Variants in MBD5 observed in about 807,000 individuals in gnomAD.
MBD5 encodes methyl-CpG binding domain protein 5, also known as methyl-CpG-binding domain protein 5.
MBD5 carries 13 observed loss-of-function variants against 117.3 expected under a neutral mutation model. That is an observed-to-expected ratio of 0.11 (90% CI 0.07 to 0.18). The LOEUF is 0.18. Among genes scored for constraint, MBD5 ranks in the 10% least tolerant of loss-of-function variants. The pLI is 1.00. For synonymous variants in MBD5, 727 were observed against 766.4 expected, an observed-to-expected ratio of 0.95 and a Z score of 0.85; for missense variants, 1,879 against 2,093.8, an observed-to-expected ratio of 0.90 and a Z score of 2.00.
intron 1 of MBD5, among the ~76,000 whole-genome samples, chr2:148,135,260 T>C (rs1697145121): frequency 6.6e-6 from 1 of 152,226 alleles, no homozygotes; most frequent in Non-Finnish European, 1.5e-5. Flanking sequence ...TGAGCCCTTC[T>C]ATTCACAAAC....
At chr2:148,479,595 T>A (rs1318072749) in intron 8 of MBD5, among the ~76,000 whole-genome samples, 1 of 152,182 alleles carries the variant, frequency 6.6e-6, no homozygotes, top group Admixed American at 6.5e-5. Flanking sequence ...AGGCAGCAGG[T>A]TCAACCATGG....
intron 3 of MBD5, among the ~76,000 whole-genome samples, chr2:148,319,734 A>T (rs1702239591): frequency 6.6e-6 from 1 of 152,148 alleles, no homozygotes; most frequent in Non-Finnish European, 1.5e-5. Flanking sequence ...TCCAATTCAG[A>T]TACCTTTTAT....
At chr2:148,152,234 A>T (rs1367338377) in intron 1 of MBD5, among the ~76,000 whole-genome samples, 3 of 152,126 alleles carry the variant, frequency 2.0e-5, no homozygotes, top group African/African-American at 7.2e-5. Flanking sequence ...TTCAGCTTCC[A>T]TGTAGTTGAG....
intron 4 of MBD5, among the ~76,000 whole-genome samples, chr2:148,417,441 T>C (rs565973636): frequency 6.6e-6 from 1 of 152,136 alleles, no homozygotes; most frequent in East Asian, 1.9e-4. Flanking sequence ...GCCCAGCTGG[T>C]ATAATGATTT....
At chr2:148,394,626 A>C (rs1019245623) in intron 4 of MBD5, among the ~76,000 whole-genome samples, 6 of 150,900 alleles carry the variant, frequency 4.0e-5, no homozygotes, top group Non-Finnish European at 8.9e-5. Context: ...AGTCTCAACA[A>C]AAGTATGCTT....
chr2:148,342,227 T>C lies in MBD5; in HGVS notation c.-666T>C, dbSNP rs549079591. On this transcript the variant is annotated 5_prime_UTR_variant, in exon 4 of 14. Transcript: ENST00000642680. Reference sequence around the variant, plus strand: ...TTTCTGTTCCAGAGAGAAGAGGTACTCCCTTATAGGGACTCGTAAAGACAT... The same window carrying C: ...TTTCTGTTCCAGAGAGAAGAGGTACCCCCTTATAGGGACTCGTAAAGACAT... 3.9e-5 allele frequency: 6 copies of C among 152,156 alleles called. No homozygotes were observed. In the East Asian group the frequency reaches 1.2e-3, roughly 29 times the overall value. 9.4% of individuals were successfully genotyped at this position (152,156 alleles called of 1,614,324 possible).
intron 4 of MBD5, among the ~76,000 whole-genome samples, chr2:148,396,758 G>T (rs1574378413): frequency 6.6e-6 from 1 of 152,112 alleles, no homozygotes; most frequent in East Asian, 1.9e-4. Flanking sequence ...ATTCTTACAG[G>T]GTTGCCACAG....
intron 4 of MBD5, among the ~76,000 whole-genome samples, chr2:148,397,235 T>C (rs1485969562): frequency 1.3e-5 from 2 of 152,044 alleles, no homozygotes; most frequent in African/African-American, 4.8e-5. Context: ...AAACTGATCA[T>C]ATGGTCAACG....
chr2:148,245,393 T>G (rs1388635741), intron 3 of MBD5, among the ~76,000 whole-genome samples: 1 of 152,072 alleles, frequency 6.6e-6, no homozygotes, highest in African/African-American at 2.4e-5. Context: ...TCCTGGCTAA[T>G]GTTTTGTATT....
chr2:148,501,961 C>T (rs1425023751), intron 11 of MBD5, among the ~76,000 whole-genome samples: 1 of 152,172 alleles, frequency 6.6e-6, no homozygotes, highest in Non-Finnish European at 1.5e-5. Context: ...GACTGAGGCT[C>T]AGAAAATGTG....
intron 8 of MBD5, among the ~76,000 whole-genome samples, chr2:148,479,280 T>C (rs1681068385): frequency 6.6e-6 from 1 of 152,188 alleles, no homozygotes; most frequent in Non-Finnish European, 1.5e-5. Flanking sequence ...TCCTTTCCAA[T>C]GTCCCTTATC....
At chr2:148,118,548 G>A (rs1696694123) in intron 1 of MBD5, among the ~76,000 whole-genome samples, 2 of 151,430 alleles carry the variant, frequency 1.3e-5, no homozygotes, top group South Asian at 4.2e-4. Context: ...GTTCAAAGTT[G>A]CAGTGAGCTA....
intron 3 of MBD5, among the ~76,000 whole-genome samples, chr2:148,335,547 CT>C (rs1261819356): frequency 1.3e-5 from 2 of 151,964 alleles, no homozygotes; most frequent in Non-Finnish European, 2.9e-5. Context: ...AGCGAGCCCT[CT>C]TCTCTACCAA....
chr2:148,145,274 C>T (rs980078097), intron 1 of MBD5, among the ~76,000 whole-genome samples: 2 of 152,108 alleles, frequency 1.3e-5, no homozygotes, highest in African/African-American at 4.8e-5. Flanking sequence ...TATAGGAATG[C>T]TTGTGATTTT....
rs1388983985 is a variant in MBD5, at chr2:148,468,957, CCCT to C, written c.1020_1022del (p.Pro342del). 2 of 1,613,810 alleles carry C rather than the reference CCCT, an allele frequency of 1.2e-6. No individual in the cohort carries two copies. Among genetic ancestry groups the C allele is most frequent in the Non-Finnish European group, 1.7e-6 (2 of 1,179,908 alleles). On this transcript the variant is annotated inframe_deletion, in exon 8 of 14. Transcript: ENST00000642680. The stretch of plus-strand genomic sequence containing the variant: ...ACAAACCACCCCAAGGCCCACCTCC[CCCT>C]CCTCCACCTTCTTGTGCTCTTCAGA...
chr2:148,386,461 G>A (rs1402834875), intron 4 of MBD5, among the ~76,000 whole-genome samples: 2 of 152,108 alleles, frequency 1.3e-5, no homozygotes, highest in African/African-American at 2.4e-5. Context: ...GCTCACGCCT[G>A]TAATCCCAGC....
intron 1 of MBD5, chr2:148,054,713 TAGAA>T (rs1033608827): frequency 9.8e-5 from 15 of 152,290 alleles, no homozygotes; most frequent in African/African-American, 3.6e-4. Context: ...AGCAAAAGAT[TAGAA>T]AGAAAGAAAA....
At chr2:148,409,264 T>C (rs548494437) in intron 4 of MBD5, among the ~76,000 whole-genome samples, 2 of 152,020 alleles carry the variant, frequency 1.3e-5, no homozygotes, top group Admixed American at 6.5e-5. Flanking sequence ...GGCACGTGCC[T>C]GTAGCCCTAG....
At chr2:148,376,235 A>G (rs1703981419) in intron 4 of MBD5, among the ~76,000 whole-genome samples, 2 of 151,044 alleles carry the variant, frequency 1.3e-5, no homozygotes, top group African/African-American at 4.9e-5. Flanking sequence ...ACCCTTTAAA[A>G]ATATTCTTAT....
Sources: allele counts gnomAD v4.1 joint callset (sites outside exome capture counted in the v4.1 genomes callset), GRCh38; gene constraint gnomAD v4.1.1; transcripts MANE v1.5; gene names NCBI Gene and HGNC (gene_info 2026-07-23, HGNC 2026-07-21).